The following TSC1 variants were observed in gnomAD, a reference collection of about 807,000 sequenced individuals.
TSC1 encodes TSC complex subunit 1.
TSC1 carries 20 observed loss-of-function variants against 124.3 expected under a neutral mutation model. That is an observed-to-expected ratio of 0.16 (90% CI 0.11 to 0.23). The LOEUF is 0.23. Among genes scored for constraint, TSC1 ranks in the 10% least tolerant of loss-of-function variants. TSC1 has a pLI of 1.00. For synonymous variants in TSC1, 493 were observed against 539.1 expected, an observed-to-expected ratio of 0.91 and a Z score of 1.19; for missense variants, 1,124 against 1,448.5, an observed-to-expected ratio of 0.78 and a Z score of 3.64.
rs143312866 is a variant in TSC1, at chr9:132,923,120, C to T, written c.508+228G>A. Among the ~76,000 whole-genome samples the T allele has an allele frequency of 3.4e-4, 52 of 152,274 alleles. No homozygotes were observed. The highest frequency in any genetic ancestry group is 1.1e-3 in the African/African-American group (46 of 41,524). On this transcript the variant is annotated intron_variant, in intron 6 of 22. Coordinates refer to ENST00000298552, the MANE Select transcript of TSC1 (RefSeq NM_000368.5). This position sits in a 1 kb window ranked among gnomAD's most constrained non-coding sequence, Gnocchi z 4.2. ...ACATCCTACCACTCAATTTCTCTGA[C>T]GACTAATCCTTTTAAGCCAAGAAAA...
rs560863078 is a variant in TSC1, at chr9:132,923,481, G to A, written c.375C>T (p.Asp125=). ...SLLKCLKMDT[D]VVVLTTGVLV... ...AGACGCCTGTTGTGAGGACAACGAC[G>A]TCAGTGTCCATCTGCAGGAGAAAAG... Residue 125 remains aspartate (D), a synonymous_variant, in exon 6 of 23, where the codon GAC becomes GAT. Coordinates refer to ENST00000298552, the MANE Select transcript of TSC1 (RefSeq NM_000368.5). This position sits in a 1 kb window ranked among gnomAD's most constrained non-coding sequence, Gnocchi z 4.2. 4.3e-6 allele frequency: 7 copies of A among 1,614,100 alleles called. No homozygotes were observed. The South Asian group carries it at 4.4e-5, about 10-fold the overall frequency.
At chr9:132,942,619 T>A (rs566254515) in intron 1 of TSC1, among the ~76,000 whole-genome samples, 1 of 152,174 alleles carries the variant, frequency 6.6e-6, no homozygotes, top group African/African-American at 2.4e-5. Flanking sequence ...TCTAATTTTA[T>A]GGAAACAAGA....
chr9:132,898,895 G>A (rs1845225184), intron 20 of TSC1: 1 of 152,412 alleles, frequency 6.6e-6, no homozygotes, highest in African/African-American at 2.4e-5. Context: ...GTGATGAGAA[G>A]TATGGTGGGA....
At chr9:132,922,992 A>G (rs1846649406) in intron 6 of TSC1, among the ~76,000 whole-genome samples, 1 of 152,240 alleles carries the variant, frequency 6.6e-6, no homozygotes, top group South Asian at 2.1e-4. Context: ...TTCTGTCACA[A>G]CAGAGCAGCC....
chr9:132,895,818 T>C lies in TSC1; in HGVS notation c.*417A>G, dbSNP rs887099769. On this transcript the variant is annotated 3_prime_UTR_variant, in exon 23 of 23. Transcript: ENST00000298552. The stretch of plus-strand genomic sequence containing the variant: ...CAGACTTACCTGCAATGCAACAAAC[T>C]ACCTGGTCTAATTGAGAGCCAACCC... 3 of 299,124 alleles carry C rather than the reference T, an allele frequency of 1.0e-5. No individual in the cohort carries two copies. The South Asian group carries it at 2.1e-4, about 21-fold the overall frequency. The allele number at this position is 299,124 out of a possible 1,614,324, so 18.5% of individuals were successfully genotyped here.
chr9:132,935,365 G>A (rs1001971356), intron 1 of TSC1, among the ~76,000 whole-genome samples: 1 of 152,224 alleles, frequency 6.6e-6, no homozygotes. Context: ...AAATGAATGG[G>A]CAGGATAGGC....
At chr9:132,901,180 A>G (rs573359430) in intron 19 of TSC1, among the ~76,000 whole-genome samples, 5 of 152,398 alleles carry the variant, frequency 3.3e-5, no homozygotes, top group African/African-American at 1.2e-4. Flanking sequence ...GTTCTTGACA[A>G]AATGATGTAT....
rs2131835927 is a variant in TSC1, at chr9:132,905,936, G to C, written c.1642C>G (p.Pro548Ala). 1 of 1,613,832 alleles carries C rather than the reference G, an allele frequency of 6.2e-7. No individual in the cohort carries two copies. Among genetic ancestry groups the C allele is most frequent in the Non-Finnish European group, 8.5e-7 (1 of 1,179,752 alleles). ...SSLDKLGPDT[P>A]KQAFTPIDLP... ...TCTATGGGAGTAAAGGCTTGCTTTG[G>C]TGTGTCAGGCCCAAGCTTGTCCAGG... is the stretch of plus-strand genomic sequence containing the variant. Residue 548 changes from proline (P) to alanine (A), a missense_variant, in exon 15 of 23, where the codon CCA (proline) becomes GCA (alanine). Physicochemically the swap from Pro to Ala is conservative, Grantham distance 27 (BLOSUM62 -1). This residue lies in a region of TSC1 where 321 missense variants were observed against 397.4 expected (regional missense o/e 0.81). Coordinates refer to ENST00000298552, the MANE Select transcript of TSC1 (RefSeq NM_000368.5).
intron 5 of TSC1, 39 bp downstream of exon 5, chr9:132,925,542 TATACTC>T (rs1402021207): frequency 1.2e-6 from 2 of 1,612,662 alleles, no homozygotes; most frequent in African/African-American, 2.7e-5. Context: ...TTTCAGAAAC[TATACTC>T]ATAAAACCAT....
In TSC1 at chr9:132,901,574, C is replaced by A. The variant is rs2131702146; in HGVS notation, c.2502+15G>T. 6.2e-7 allele frequency: 1 copy of A among 1,608,580 alleles called. No homozygotes were observed. The highest frequency in any genetic ancestry group is 1.1e-5 in the South Asian group (1 of 90,980). ...GGTGTTTCAGCAGATTCAGGTCTGC[C>A]TCATTTCTTCTTACCTTTTGGGAAA... is the stretch of plus-strand genomic sequence containing the variant. On this transcript the variant is annotated intron_variant, in intron 19 of 22. Transcript: ENST00000298552.
intron 20 of TSC1, among the ~76,000 whole-genome samples, chr9:132,898,373 T>C (rs192393963): frequency 6.6e-6 from 1 of 152,392 alleles, no homozygotes; most frequent in East Asian, 1.9e-4. Context: ...CATTTGTGTG[T>C]GTATGTTTAC....
intron 16 of TSC1, among the ~76,000 whole-genome samples, chr9:132,904,079 C>A (rs1845524424): frequency 6.6e-6 from 1 of 152,158 alleles, no homozygotes; most frequent in Non-Finnish European, 1.5e-5. Flanking sequence ...AAATCTAGAT[C>A]ACGCATTTCA....
Position 132,896,240 on chromosome 9 carries a change from T to C in TSC1, c.3490A>G (p.Ser1164Gly), listed in dbSNP as rs1298096737. 6.2e-7 allele frequency: 1 copy of C among 1,614,196 alleles called. No individual in the cohort carries two copies. The highest frequency in any genetic ancestry group is 8.5e-7 in the Non-Finnish European group (1 of 1,180,032). Residue 1164 changes from serine to glycine, a missense_variant, in exon 23 of 23, where the codon AGC becomes GGC. By Grantham distance (56) the Ser-to-Gly change is moderately conservative. Coordinates refer to ENST00000298552, the MANE Select transcript of TSC1 (RefSeq NM_000368.5). This position sits in a 1 kb window ranked among gnomAD's most constrained non-coding sequence, Gnocchi z 4.5. ...CACTGATTGACCATCATTCCTTAGC[T>C]GTGTTCATGATGAGTCTCATTGTAG... The part of the protein sequence containing the change: ...MDYNETHHEH[S>G]
chr9:132,933,496 A>T (rs1847309876), intron 2 of TSC1, among the ~76,000 whole-genome samples: 1 of 152,208 alleles, frequency 6.6e-6, no homozygotes, highest in African/African-American at 2.4e-5. Flanking sequence ...AACAATTTTT[A>T]GTAATTGAAG....
At chr9:132,934,083 T>C (rs1411862827) in intron 2 of TSC1, among the ~76,000 whole-genome samples, 1 of 152,208 alleles carries the variant, frequency 6.6e-6, no homozygotes, top group East Asian at 1.9e-4. Flanking sequence ...CCCTACCTTA[T>C]TTTACAATTC....
rs748099884 is a variant in TSC1 at position 132,894,693 on chromosome 9, TAAAAAA to T, written c.*1536_*1541del. On this transcript the variant is annotated 3_prime_UTR_variant, in exon 23 of 23. Transcript: ENST00000298552. Reference sequence around the variant, plus strand: ...GATGCTAGAATATTTATTGCCATGCTAAAAAAAAAAAAAAAAAAAAAAGACTTTCAT... The same window carrying T: ...GATGCTAGAATATTTATTGCCATGCTAAAAAAAAAAAAAAAAGACTTTCAT... 9.6e-5 allele frequency: 11 copies of T among 114,096 alleles called. No homozygotes were observed. The highest frequency in any genetic ancestry group is 2.4e-4 in the East Asian group (2 of 8,284). 7.1% of individuals were successfully genotyped at this position (114,096 alleles called of 1,614,324 possible).
intron 12 of TSC1, chr9:132,910,361 G>A: frequency 1.3e-6 from 1 of 767,416 alleles, no homozygotes; most frequent in Non-Finnish European, 2.1e-6. Context: ...TTCCCCACAA[G>A]AGTTCTGCCA....
intron 15 of TSC1, among the ~76,000 whole-genome samples, chr9:132,905,183 AAAT>A (rs56398040): frequency 3.6e-4 from 55 of 151,930 alleles, no homozygotes; most frequent in Admixed American, 3.5e-3. Flanking sequence ...CCAAAATAGA[AAAT>A]AATAATAATA....
intron 15 of TSC1, 100 bp downstream of exon 15, chr9:132,905,481 G>T: frequency 6.5e-7 from 1 of 1,541,334 alleles, no homozygotes; most frequent in Non-Finnish European, 8.9e-7. Context: ...CTGCCTCAAG[G>T]TGGGAGTGTG....
Sources: gnomAD v4.1 joint callset for allele counts (sites outside exome capture counted in the v4.1 genomes callset) on GRCh38, gnomAD v4.1.1 for gene constraint, gnomAD v4.1.1 regional missense constraint, Gnocchi (gnomAD v3.1) non-coding constraint, MANE v1.5 for transcripts, NCBI Gene and HGNC (gene_info 2026-07-23, HGNC 2026-07-21) for gene names.